Variants in CDKN2B-AS1 observed in about 807,000 individuals in gnomAD.
CDKN2B-AS1 encodes CDKN2B antisense RNA 1 (non-protein coding).
At chr9:22,029,408 TC>T (rs1177183552) in intron 1 of CDKN2B-AS1, 1 of 779,296 alleles carries the variant, frequency 1.3e-6, no homozygotes, top group African/African-American at 1.7e-5. Context: ...GTCTGACAAA[TC>T]CAGATTTTTT....
At chr9:22,024,906 T>G (rs73444375) in intron 1 of CDKN2B-AS1, among the ~76,000 whole-genome samples, 8,671 of 152,238 alleles carry the variant, frequency 0.057, 804 homozygotes, top group African/African-American at 0.19. Context: ...GCACCCAAGA[T>G]GGCCCTAGAA....
chr9:22,058,428 C>T (rs1485728849), intron 4 of CDKN2B-AS1: 1 of 152,196 alleles, frequency 6.6e-6, no homozygotes, highest in Non-Finnish European at 1.5e-5. Flanking sequence ...ATAGACCTAA[C>T]ACAGGACAAA....
intron 4 of CDKN2B-AS1, among the ~76,000 whole-genome samples, chr9:22,101,433 T>C (rs1262093975): frequency 1.3e-5 from 2 of 152,168 alleles, no homozygotes; most frequent in African/African-American, 2.4e-5. Context: ...GTAACAACTT[T>C]TAATAAATTA....
At chr9:22,126,327 T>A (rs1818022714) in intron 4 of CDKN2B-AS1, among the ~76,000 whole-genome samples, 1 of 152,176 alleles carries the variant, frequency 6.6e-6, no homozygotes, top group African/African-American at 2.4e-5. Flanking sequence ...GAGAATAAAA[T>A]GAGAGGTCTA....
chr9:22,056,234 A>ATATATT (rs777560826), intron 3 of CDKN2B-AS1: 2 of 98,278 alleles, frequency 2.0e-5, no homozygotes, highest in Non-Finnish European at 3.9e-5. Flanking sequence ...ATATATATAT[A>ATATATT]TTTTTTTTTT....
intron 4 of CDKN2B-AS1, among the ~76,000 whole-genome samples, chr9:22,072,002 A>G (rs959859269): frequency 6.6e-6 from 1 of 152,226 alleles, no homozygotes; most frequent in Non-Finnish European, 1.5e-5. Flanking sequence ...AGGCAATACC[A>G]TAAGTGTTCA....
chr9:21,996,194 G>A lies in CDKN2B-AS1; in HGVS notation n.29+1033G>A, dbSNP rs1393671771. Among the ~76,000 whole-genome samples, 1 of 152,102 alleles carries A rather than the reference G, an allele frequency of 6.6e-6. No homozygotes were observed. The highest frequency in any genetic ancestry group is 2.4e-5 in the African/African-American group (1 of 41,424). ...GCAGACTTCTCTTTCCCCATCCCCCGCCCCATCACTTGACGTTGCTGCCGG... is the reference window on the plus strand; with the variant it reads ...GCAGACTTCTCTTTCCCCATCCCCCACCCCATCACTTGACGTTGCTGCCGG... On this transcript the variant is annotated intron_variant and non_coding_transcript_variant, in intron 1 of 4. Transcript: ENST00000650946. The surrounding 1 kb of genome is among the most constrained non-coding windows in gnomAD (Gnocchi z 5.4).
intron 1 of CDKN2B-AS1, among the ~76,000 whole-genome samples, chr9:22,022,498 C>G (rs1455247490): frequency 4.6e-5 from 7 of 151,914 alleles, no homozygotes; most frequent in Admixed American, 3.3e-4. Context: ...ATTTGCATTT[C>G]CTTGATATAT....
At chr9:22,028,024 T>G (rs1822311934) in intron 1 of CDKN2B-AS1, among the ~76,000 whole-genome samples, 1 of 152,140 alleles carries the variant, frequency 6.6e-6, no homozygotes, top group Non-Finnish European at 1.5e-5. Context: ...TTCAGACTCA[T>G]CTAGATTAGA....
At chr9:22,058,030 T>C (rs1350633200) in intron 4 of CDKN2B-AS1, among the ~76,000 whole-genome samples, 2 of 130,842 alleles carry the variant, frequency 1.5e-5, no homozygotes, top group Admixed American at 1.6e-4. Context: ...GGCAGGAGAT[T>C]TGCTTGAAAA....
At chr9:22,016,806 A>T (rs1821783800) in intron 1 of CDKN2B-AS1, among the ~76,000 whole-genome samples, 1 of 152,232 alleles carries the variant, frequency 6.6e-6, no homozygotes. Flanking sequence ...TTCAAGATGG[A>T]TTAAAGAGTC....
intron 4 of CDKN2B-AS1, among the ~76,000 whole-genome samples, chr9:22,121,531 A>G (rs1432035711): frequency 6.6e-6 from 1 of 152,094 alleles, no homozygotes; most frequent in Non-Finnish European, 1.5e-5. Flanking sequence ...GTATCCTTTA[A>G]CAATTCTCTC....
chr9:22,124,972 T>G (rs2131378843), intron 4 of CDKN2B-AS1, among the ~76,000 whole-genome samples: 1 of 152,370 alleles, frequency 6.6e-6, no homozygotes. Flanking sequence ...ATTTAAACTC[T>G]TCACTGAAAA....
At chr9:22,087,834 A>G (rs1252398804) in intron 4 of CDKN2B-AS1, among the ~76,000 whole-genome samples, 3 of 152,202 alleles carry the variant, frequency 2.0e-5, no homozygotes, top group Non-Finnish European at 4.4e-5. Flanking sequence ...AACCGATATC[A>G]TTTGCCTTAA....
chr9:22,042,108 A>G (rs1483078532), intron 1 of CDKN2B-AS1, among the ~76,000 whole-genome samples: 3 of 152,054 alleles, frequency 2.0e-5, no homozygotes, highest in African/African-American at 7.2e-5. Context: ...CTGCTAGCTC[A>G]TTCACTGCTG....
chr9:22,116,784 A>G (rs1825960790), intron 4 of CDKN2B-AS1, among the ~76,000 whole-genome samples: 1 of 152,238 alleles, frequency 6.6e-6, no homozygotes, highest in Admixed American at 6.5e-5. Flanking sequence ...TTTGGTTACC[A>G]TTCTAATGAC....
intron 4 of CDKN2B-AS1, among the ~76,000 whole-genome samples, chr9:22,067,023 T>A (rs77146529): frequency 1.3e-5 from 2 of 151,986 alleles, no homozygotes; most frequent in African/African-American, 2.4e-5. Context: ...ATGAGAACAC[T>A]TGGACACAGG....
At chr9:22,012,196 C>A in intron 1 of CDKN2B-AS1, 2 of 1,397,998 alleles carry the variant, frequency 1.4e-6, no homozygotes, top group South Asian at 1.2e-5. Flanking sequence ...AGACCATCAC[C>A]CTTGAGGTCG....
exon 5 of CDKN2B-AS1, among the ~76,000 whole-genome samples, chr9:22,127,734 G>T (rs552348310): frequency 6.6e-6 from 1 of 152,264 alleles, no homozygotes; most frequent in South Asian, 2.1e-4. Context: ...TACTAGAAGG[G>T]AAAGATTGTG....
Sources: gnomAD v4.1 joint callset for allele counts (sites outside exome capture counted in the v4.1 genomes callset) on GRCh38, gnomAD v4.1.1 for gene constraint, Gnocchi (gnomAD v3.1) non-coding constraint, MANE v1.5 for transcripts, NCBI Gene and HGNC (gene_info 2026-07-23, HGNC 2026-07-21) for gene names.